The following MARVELD2 variants were observed in gnomAD, a reference collection of about 807,000 sequenced individuals.
MARVELD2 encodes MARVEL domain containing 2, also known as MARVEL domain-containing protein 2.
In MARVELD2, 49 loss-of-function variants were observed where a neutral mutation model predicts 57.6. The observed-to-expected ratio is 0.85, with a 90% CI of 0.68 to 1.08. The LOEUF (loss-of-function observed/expected upper bound fraction) is 1.08. Among genes scored for constraint, MARVELD2 ranks in the 50% least tolerant of loss-of-function variants. The pLI, the probability that MARVELD2 is intolerant of heterozygous loss-of-function variation, is 0.00. For synonymous variants in MARVELD2, 238 were observed against 258.8 expected (o/e 0.92, Z 0.77); for missense variants, 606 against 701.1 (o/e 0.86, Z 1.53).
chr5:69,434,446 G>A (rs909579504), intron 5 of MARVELD2, among the ~76,000 whole-genome samples: 1 of 148,594 alleles, frequency 6.7e-6, no homozygotes, highest in Admixed American at 6.7e-5. Context: ...AGGACAGAGT[G>A]AGACCATGTC....
intron 2 of MARVELD2, among the ~76,000 whole-genome samples, chr5:69,422,830 T>A (rs564500144): frequency 1.7e-4 from 26 of 152,162 alleles, no homozygotes; most frequent in Admixed American, 4.6e-4. Flanking sequence ...CTTTAAAATT[T>A]CTCTCTTTTG....
chr5:69,440,378 T>A, intron 5 of MARVELD2, 72 bp from the exon 6 acceptor site: 3 of 762,198 alleles, frequency 3.9e-6, no homozygotes, highest in Non-Finnish European at 6.8e-6. Flanking sequence ...GTTCTAATTC[T>A]CAGTGTGCTT....
At chr5:69,435,666 T>C (rs1454621097) in intron 5 of MARVELD2, among the ~76,000 whole-genome samples, 2 of 137,848 alleles carry the variant, frequency 1.5e-5, no homozygotes, top group African/African-American at 5.5e-5. Context: ...GGCAGGAGAA[T>C]CACTTGAACC....
At chr5:69,438,778 C>T (rs564407075) in intron 5 of MARVELD2, among the ~76,000 whole-genome samples, 60 of 151,764 alleles carry the variant, frequency 4.0e-4, no homozygotes, top group African/African-American at 1.4e-3. Context: ...CCCAGCTACT[C>T]GGGAGGCTGA....
chr5:69,429,349 G>A lies in MARVELD2; in HGVS notation c.1183-3178G>A, dbSNP rs187221968. Among the ~76,000 whole-genome samples, 311 of 152,260 alleles carry A rather than the reference G, an allele frequency of 2.0e-3. 2 individuals carry two copies. The highest frequency in any genetic ancestry group is 7.0e-3 in the African/African-American group (290 of 41,558). ...AGGGTAAGGAAATCAGGAAACAAAGGATTTTTAAAGCTTCCTGGCAAGATG... is the reference window on the plus strand; with the variant it reads ...AGGGTAAGGAAATCAGGAAACAAAGAATTTTTAAAGCTTCCTGGCAAGATG... On this transcript the variant is annotated intron_variant, in intron 3 of 6. Transcript: ENST00000325631.
chr5:69,425,361 A>G (rs1286105717), intron 3 of MARVELD2, among the ~76,000 whole-genome samples: 1 of 150,500 alleles, frequency 6.6e-6, no homozygotes, highest in Non-Finnish European at 1.5e-5. Flanking sequence ...AACCTGCACA[A>G]TGTGCACATG....
At chr5:69,440,284 C>G (rs1450208923) in intron 5 of MARVELD2, among the ~76,000 whole-genome samples, 166 bp from the exon 6 acceptor site, 1 of 152,170 alleles carries the variant, frequency 6.6e-6, no homozygotes, top group African/African-American at 2.4e-5. Context: ...GCCTAGCAGA[C>G]AGTAAGCCTT....
intron 6 of MARVELD2, 106 bp from the exon 7 acceptor site, chr5:69,441,426 T>G: frequency 7.6e-7 from 1 of 1,309,534 alleles, no homozygotes. Context: ...GAATCTGCTG[T>G]AGAGACTTTT....
At chr5:69,439,080 A>AAT (rs1306272124) in intron 5 of MARVELD2, among the ~76,000 whole-genome samples, 2 of 150,464 alleles carry the variant, frequency 1.3e-5, no homozygotes, top group Non-Finnish European at 3.0e-5. Context: ...AAAAAAAAAA[A>AAT]AGAAGAAGAA....
Position 69,419,672 on chromosome 5 carries a change from A to T in MARVELD2, c.287A>T (p.Asp96Val). Reference protein sequence around the residue: ...WKNFFRGKKKDPEWDKPVSDI... With the variant: ...WKNFFRGKKKVPEWDKPVSDI... ...AACTTTTTCAGAGGGAAGAAAAAGGACCCCGAATGGGATAAGCCGGTGTCT... is the reference window on the plus strand; with the variant it reads ...AACTTTTTCAGAGGGAAGAAAAAGGTCCCCGAATGGGATAAGCCGGTGTCT... Residue 96 changes from aspartate to valine, a missense_variant, in exon 2 of 7, where the codon GAC becomes GTC. Physicochemically the swap from Asp to Val is radical, Grantham distance 152. Transcript: ENST00000325631. The T allele has an allele frequency of 6.2e-7, 1 of 1,614,086 alleles. No homozygotes were observed. Among genetic ancestry groups the T allele is most frequent in the Non-Finnish European group, 8.5e-7 (1 of 1,180,034 alleles).
rs367912254 is a variant in MARVELD2 at position 69,419,539 on chromosome 5, C to T, written c.154C>T (p.Pro52Ser). The change falls in exon 2 of 7, where the codon CCA becomes TCA. Residue 52 changes from proline (P) to serine (S), a missense_variant. Transcript: ENST00000325631. ...SADPLPPPPL[P>S]LQPPFGPDFY... ...TGATCCCTTGCCACCACCCCCTCTC[C>T]CATTACAGCCACCATTCGGCCCAGA... is the stretch of plus-strand genomic sequence containing the variant. The T allele has an allele frequency of 6.2e-7, 1 of 1,614,154 alleles. No homozygotes were observed. Among genetic ancestry groups the T allele is most frequent in the Non-Finnish European group, 8.5e-7 (1 of 1,180,032 alleles).
intron 3 of MARVELD2, among the ~76,000 whole-genome samples, chr5:69,428,129 T>C (rs1229851285): frequency 1.3e-5 from 2 of 151,376 alleles, no homozygotes; most frequent in Non-Finnish European, 2.9e-5. Flanking sequence ...AAAAGTTTTT[T>C]CCCAATAGAG....
At chr5:69,437,366 A>C (rs1767181974) in intron 5 of MARVELD2, among the ~76,000 whole-genome samples, 1 of 127,758 alleles carries the variant, frequency 7.8e-6, no homozygotes, top group Non-Finnish European at 1.6e-5. Context: ...GGGCAACAAG[A>C]GCGAAACTCT....
chr5:69,417,810 G>C (rs1766476289), intron 1 of MARVELD2, among the ~76,000 whole-genome samples: 1 of 151,946 alleles, frequency 6.6e-6, no homozygotes, highest in South Asian at 2.1e-4. Flanking sequence ...GTGGTGGCGA[G>C]CACCTGTAGT....
At chr5:69,436,423 A>G (rs1328516495) in intron 5 of MARVELD2, among the ~76,000 whole-genome samples, 2 of 138,088 alleles carry the variant, frequency 1.4e-5, no homozygotes, top group African/African-American at 2.7e-5. Context: ...ACACACACAC[A>G]CACACACACA....
Position 69,419,931 on chromosome 5 carries a change from A to G in MARVELD2, c.546A>G (p.Arg182=). ...AGAAGGTGGAGGAGTATAACCTGAGATACTCCTACATGAAGTCGTGGGCAG... is the reference window on the plus strand; with the variant it reads ...AGAAGGTGGAGGAGTATAACCTGAGGTACTCCTACATGAAGTCGTGGGCAG... ...YSEKVEEYNL[R]YSYMKSWAGL... The change falls in exon 2 of 7, where the codon AGA becomes AGG. Residue 182 remains arginine, a synonymous_variant. Transcript: ENST00000325631. 6.2e-7 allele frequency: 1 copy of G among 1,614,164 alleles called. No individual in the cohort carries two copies. The highest frequency in any genetic ancestry group is 8.5e-7 in the Non-Finnish European group (1 of 1,180,038).
Position 69,419,545 on chromosome 5 carries a change from C to T in MARVELD2, c.160C>T (p.Gln54Ter), listed in dbSNP as rs754228965. ...DPLPPPPLPL[Q>*]PPFGPDFYSS... The stretch of plus-strand genomic sequence containing the variant: ...CTTGCCACCACCCCCTCTCCCATTA[C>T]AGCCACCATTCGGCCCAGACTTCTA... Residue 54 changes from glutamine to a stop codon, truncating the protein, a stop_gained, in exon 2 of 7, where the codon CAG (glutamine) becomes TAG (stop). Transcript: ENST00000325631. LOFTEE classifies it high-confidence loss of function. 3.7e-6 allele frequency: 6 copies of T among 1,614,180 alleles called. No homozygotes were observed. Among genetic ancestry groups the T allele is most frequent in the Middle Eastern group, 1.6e-4 (1 of 6,062 alleles).
chr5:69,432,845 G>A, intron 4 of MARVELD2, 77 bp from the exon 5 acceptor site: 1 of 1,577,288 alleles, frequency 6.3e-7, no homozygotes, highest in South Asian at 1.1e-5. Context: ...TGATCAGTAA[G>A]GAATAAGATA....
chr5:69,432,019 T>A (rs1004698208), intron 3 of MARVELD2, among the ~76,000 whole-genome samples: 1 of 151,272 alleles, frequency 6.6e-6, no homozygotes. Flanking sequence ...CTGCCAGATT[T>A]TTTTTTTTTT....
Sources: gnomAD v4.1 joint callset for allele counts (sites outside exome capture counted in the v4.1 genomes callset) on GRCh38, gnomAD v4.1.1 for gene constraint, MANE v1.5 for transcripts, NCBI Gene and HGNC (gene_info 2026-07-23, HGNC 2026-07-21) for gene names.